GUCY2C: variants seen among roughly 807,000 people sequenced by gnomAD.
GUCY2C encodes guanylate cyclase 2C.
Under a neutral mutation model 131.1 loss-of-function variants are expected in GUCY2C, and 118 were observed. The observed-to-expected ratio is 0.90, with a 90% CI of 0.78 to 1.05. GUCY2C has a LOEUF of 1.05. Ranked by LOEUF, GUCY2C falls within the 50% of genes least tolerant of loss-of-function variation. GUCY2C has a pLI of 0.00. For synonymous variants in GUCY2C, 452 were observed against 457.8 expected, an observed-to-expected ratio of 0.99 and a Z score of 0.16; for missense variants, 1,161 against 1,304.4, an observed-to-expected ratio of 0.89 and a Z score of 1.69.
At chr12:14,621,852 C>T (rs1308490754) in intron 22 of GUCY2C, among the ~76,000 whole-genome samples, 153 bp downstream of exon 22, 1 of 152,214 alleles carries the variant, frequency 6.6e-6, no homozygotes, top group Non-Finnish European at 1.5e-5. Context: ...TCTAATCCTT[C>T]TACTTCTCTT....
chr12:14,682,718 TC>T (rs1948372688), intron 4 of GUCY2C, among the ~76,000 whole-genome samples: 1 of 152,248 alleles, frequency 6.6e-6, no homozygotes, highest in African/African-American at 2.4e-5. Flanking sequence ...CTCCTGGCTT[TC>T]ATTTTCCTTG....
chr12:14,671,915 A>G (rs992535269), intron 9 of GUCY2C, among the ~76,000 whole-genome samples: 1 of 152,220 alleles, frequency 6.6e-6, no homozygotes, highest in African/African-American at 2.4e-5. Context: ...GAAACTACGA[A>G]TTACATTTAT....
At chr12:14,621,388 G>A (rs1946893818) in intron 22 of GUCY2C, among the ~76,000 whole-genome samples, 172 bp from the exon 23 acceptor site, 1 of 152,108 alleles carries the variant, frequency 6.6e-6, no homozygotes, top group Non-Finnish European at 1.5e-5. Context: ...GATTTCTTCA[G>A]GGTTTTTATA....
chr12:14,639,994 A>C (rs750080806), intron 18 of GUCY2C, 44 bp from the exon 19 acceptor site: 5 of 1,209,952 alleles, frequency 4.1e-6, no homozygotes, highest in African/African-American at 1.5e-5. Context: ...AGAATACAGC[A>C]TGAAGAAATG....
chr12:14,685,608 C>T (rs1307653976), intron 3 of GUCY2C, among the ~76,000 whole-genome samples: 2 of 152,054 alleles, frequency 1.3e-5, no homozygotes, highest in African/African-American at 2.4e-5. Flanking sequence ...GTGATTTTCC[C>T]AGAGCCAGAA....
In GUCY2C at chr12:14,626,110, C is replaced by T. The variant is rs577062743; in HGVS notation, c.2250-195G>A. Among the ~76,000 whole-genome samples the T allele has an allele frequency of 2.3e-3, 351 of 152,264 alleles. 3 individuals are homozygous for T. Among genetic ancestry groups the T allele is most frequent in the African/African-American group, 8.0e-3 (334 of 41,566 alleles). On this transcript the variant is annotated intron_variant, in intron 20 of 26. Coordinates refer to ENST00000261170, the MANE Select transcript of GUCY2C (RefSeq NM_004963.4). ...ATCCCAGAACTTTGGGAGTCCGAGGCGGGAGGATCACTTGAGGTCAGGAGT... is the reference window on the plus strand; with the variant it reads ...ATCCCAGAACTTTGGGAGTCCGAGGTGGGAGGATCACTTGAGGTCAGGAGT...
intron 4 of GUCY2C, among the ~76,000 whole-genome samples, chr12:14,681,858 C>T (rs1157858190): frequency 6.6e-6 from 1 of 152,158 alleles, no homozygotes; most frequent in Admixed American, 6.6e-5. Context: ...GAAGAGGGTT[C>T]TGCTCTGCTC....
At position 14,694,354 on chromosome 12, in the gene GUCY2C, G is replaced by C. The variant is rs142335597; in HGVS notation, c.217+1878C>G. The stretch of plus-strand genomic sequence containing the variant: ...AGACAACCTATATGACCTTAGCAAA[G>C]TTGTTAAACCCCTGCTGTGAAACCA... On this transcript the variant is annotated intron_variant, in intron 1 of 26. Transcript: ENST00000261170. Among the ~76,000 whole-genome samples the C allele has an allele frequency of 1.5e-3, 232 of 152,314 alleles. 3 individuals carry two copies. The highest frequency in any genetic ancestry group is 0.015 in the East Asian group (76 of 5,186).
In GUCY2C at chr12:14,612,974, A is replaced by G. The variant is rs1565600723; in HGVS notation, c.*143T>C. 1 of 660,404 alleles carries G rather than the reference A, an allele frequency of 1.5e-6. No homozygotes were observed. Among genetic ancestry groups the G allele is most frequent in the East Asian group, 2.6e-5 (1 of 38,908 alleles). The allele number at this position is 660,404 out of a possible 1,614,324, so 40.9% of individuals were successfully genotyped here. On this transcript the variant is annotated 3_prime_UTR_variant, in exon 27 of 27. Coordinates refer to ENST00000261170, the MANE Select transcript of GUCY2C (RefSeq NM_004963.4). ...ACATCTGATTCATGCAAGAAAGTCC[A>G]TGTTCCAGACAGGGCAGCCAAGCCT... is the stretch of plus-strand genomic sequence containing the variant.
chr12:14,690,740 A>G (rs1948559484), intron 1 of GUCY2C, among the ~76,000 whole-genome samples: 1 of 152,036 alleles, frequency 6.6e-6, no homozygotes, highest in Admixed American at 6.5e-5. Context: ...ACAGGGTTTC[A>G]TCGTGTTAGC....
At chr12:14,654,765 G>T (rs1456060450) in intron 12 of GUCY2C, among the ~76,000 whole-genome samples, 3 of 152,188 alleles carry the variant, frequency 2.0e-5, no homozygotes. Flanking sequence ...TGCAGAGGTG[G>T]AGCGTGTGGG....
chr12:14,626,584 A>T (rs1947022467), intron 20 of GUCY2C, among the ~76,000 whole-genome samples: 1 of 152,214 alleles, frequency 6.6e-6, no homozygotes, highest in African/African-American at 2.4e-5. Context: ...AGAAAAAGTC[A>T]CAGTATTCTT....
intron 6 of GUCY2C, among the ~76,000 whole-genome samples, chr12:14,678,409 T>C (rs926725892): frequency 6.6e-6 from 1 of 152,202 alleles, no homozygotes; most frequent in Non-Finnish European, 1.5e-5. Flanking sequence ...TGGTGGTTTA[T>C]TGAGGATTTC....
chr12:14,614,099 TG>T (rs1946706684), intron 26 of GUCY2C, among the ~76,000 whole-genome samples: 1 of 152,128 alleles, frequency 6.6e-6, no homozygotes, highest in Non-Finnish European at 1.5e-5. Flanking sequence ...AGAGCCTCTT[TG>T]CCCCCAGTAT....
Position 14,629,973 on chromosome 12 carries a change from G to A in GUCY2C, c.2158-1236C>T, listed in dbSNP as rs191885487. On this transcript the variant is annotated intron_variant, in intron 19 of 26. Transcript: ENST00000261170. ...GCAAAGGGCAGTGGTAGATTTTTAAGCTCTTTGGTGATTATAATGCACAGC... is the reference window on the plus strand; with the variant it reads ...GCAAAGGGCAGTGGTAGATTTTTAAACTCTTTGGTGATTATAATGCACAGC... 8.5e-5 allele frequency among the ~76,000 whole-genome samples: 13 copies of A among 152,128 alleles called. No homozygotes were observed. In the East Asian group the frequency reaches 1.9e-3, roughly 23 times the overall value.
intron 10 of GUCY2C, among the ~76,000 whole-genome samples, chr12:14,662,978 T>C (rs554933725): frequency 1.3e-5 from 2 of 152,248 alleles, no homozygotes; most frequent in South Asian, 2.1e-4. Flanking sequence ...TAGAAGCTCA[T>C]GCATATTAAT....
chr12:14,646,597 T>C (rs933759309), intron 15 of GUCY2C, among the ~76,000 whole-genome samples: 1 of 152,234 alleles, frequency 6.6e-6, no homozygotes, highest in Non-Finnish European at 1.5e-5. Context: ...AAGAAGAATA[T>C]AAAATTATTG....
At position 14,641,113 on chromosome 12, in the gene GUCY2C, G is replaced by T. The variant is rs1167787709; in HGVS notation, c.2037C>A (p.Thr679=). Residue 679 remains threonine, a synonymous_variant, in exon 18 of 27, where the codon ACC becomes ACA. Coordinates refer to ENST00000261170, the MANE Select transcript of GUCY2C (RefSeq NM_004963.4). ...IAQEIILRKE[T]FYTLSCRDRN... ...GGTCCCGACAGCTCAAAGTGTAGAA[G>T]GTTTCTTTCCGCAGGATGATCTCCT... 6.2e-7 allele frequency: 1 copy of T among 1,613,638 alleles called. No individual in the cohort carries two copies. Among genetic ancestry groups the T allele is most frequent in the Non-Finnish European group, 8.5e-7 (1 of 1,179,914 alleles).
At chr12:14,621,946 G>A in intron 22 of GUCY2C, 59 bp downstream of exon 22, 1 of 1,194,370 alleles carries the variant, frequency 8.4e-7, no homozygotes, top group Non-Finnish European at 1.2e-6. Context: ...ACCAATTCAG[G>A]CTCTGATGAC....
Sources: allele counts gnomAD v4.1 joint callset (sites outside exome capture counted in the v4.1 genomes callset), GRCh38; gene constraint gnomAD v4.1.1; transcripts MANE v1.5; gene names NCBI Gene and HGNC (gene_info 2026-07-23, HGNC 2026-07-21).